Variants in BOLL observed in about 807,000 individuals in gnomAD.
BOLL encodes boule RNA binding protein.
In BOLL, 23 loss-of-function variants were observed where a neutral mutation model predicts 44.4. The ratio of observed to expected loss-of-function variants is 0.52; its 90% CI spans 0.37 to 0.73. The LOEUF is 0.73. BOLL is among the 30% of genes least tolerant of loss of function. The pLI is 0.00. For missense variants in BOLL, 287 were observed against 338.3 expected (o/e 0.85, Z 1.19); for synonymous variants, 97 against 110.8 (o/e 0.88, Z 0.78).
intron 2 of BOLL, 46 bp downstream of exon 2, chr2:197,781,676 G>T (rs1338175734): frequency 2.9e-6 from 4 of 1,399,216 alleles, no homozygotes; most frequent in South Asian, 1.9e-5. Context: ...GAGAAATAAA[G>T]ACTTCTAATG....
intron 10 of BOLL, among the ~76,000 whole-genome samples, chr2:197,733,542 C>T (rs1332282376): frequency 7.9e-5 from 12 of 151,880 alleles, no homozygotes; most frequent in South Asian, 4.2e-4. Flanking sequence ...GGAGGCATCA[C>T]GCTACCTGAC....
At chr2:197,756,853 G>A (rs1225112817) in intron 8 of BOLL, among the ~76,000 whole-genome samples, 2 of 152,090 alleles carry the variant, frequency 1.3e-5, no homozygotes, top group Non-Finnish European at 2.9e-5. Context: ...AGTAAAGGTT[G>A]TGATAATGTG....
intron 9 of BOLL, among the ~76,000 whole-genome samples, chr2:197,743,865 C>T (rs968293899): frequency 6.6e-6 from 1 of 151,474 alleles, no homozygotes; most frequent in Admixed American, 6.6e-5. Flanking sequence ...GGCTGGAGTG[C>T]AGTGGTGTGA....
chr2:197,751,067 A>T (rs1688221354), intron 9 of BOLL, among the ~76,000 whole-genome samples: 1 of 152,238 alleles, frequency 6.6e-6, no homozygotes. Flanking sequence ...TTATGAAATT[A>T]AGGCGGAAAT....
At chr2:197,773,774 A>C (rs2106380390) in intron 5 of BOLL, among the ~76,000 whole-genome samples, 1 of 151,972 alleles carries the variant, frequency 6.6e-6, no homozygotes, top group East Asian at 1.9e-4. Flanking sequence ...AGCATAAGAC[A>C]ATAAGAGGTG....
At chr2:197,778,326 G>T (rs1339629385) in intron 3 of BOLL, among the ~76,000 whole-genome samples, 1 of 151,756 alleles carries the variant, frequency 6.6e-6, no homozygotes, top group African/African-American at 2.4e-5. Flanking sequence ...ATACTTTACT[G>T]CCTTATCTAT....
chr2:197,742,060 A>G (rs957765657), intron 10 of BOLL, among the ~76,000 whole-genome samples: 4 of 152,262 alleles, frequency 2.6e-5, no homozygotes, highest in Admixed American at 2.6e-4. Context: ...AACACATGAA[A>G]AAATGCTCAT....
At chr2:197,786,186 G>A, upstream of BOLL, 2 of 854,690 alleles carry the variant, frequency 2.3e-6, no homozygotes, top group Non-Finnish European at 3.4e-6. The surrounding 1 kb of genome is among the most constrained non-coding windows in gnomAD (Gnocchi z 5.9). Context: ...GCCACCTGGC[G>A]GGTGGGGAGA....
chr2:197,761,279 C>T (rs1016626160), intron 7 of BOLL, among the ~76,000 whole-genome samples: 3 of 152,162 alleles, frequency 2.0e-5, no homozygotes, highest in Admixed American at 6.5e-5. Flanking sequence ...TCACTATACT[C>T]TGTCTCTAAA....
intron 10 of BOLL, among the ~76,000 whole-genome samples, chr2:197,739,681 C>A (rs2106322115): frequency 6.6e-6 from 1 of 152,206 alleles, no homozygotes; most frequent in Non-Finnish European, 1.5e-5. Flanking sequence ...TTTCTCTGTA[C>A]AATTTCTGAT....
At chr2:197,744,233 G>A (rs753075298) in intron 9 of BOLL, among the ~76,000 whole-genome samples, 3 of 152,176 alleles carry the variant, frequency 2.0e-5, no homozygotes, top group Non-Finnish European at 4.4e-5. Context: ...CTATTGTAGT[G>A]GATAGTGCAG....
At chr2:197,744,240 G>A (rs1207299186) in intron 9 of BOLL, among the ~76,000 whole-genome samples, 1 of 152,186 alleles carries the variant, frequency 6.6e-6, no homozygotes, top group African/African-American at 2.4e-5. Flanking sequence ...AGTGGATAGT[G>A]CAGTCTAAAA....
chr2:197,765,757 G>A (rs950587499), intron 7 of BOLL, among the ~76,000 whole-genome samples: 3 of 151,638 alleles, frequency 2.0e-5, no homozygotes, highest in African/African-American at 4.8e-5. Flanking sequence ...TTGTTACATA[G>A]GTAAACTCGT....
chr2:197,784,908 CTCCG>C, intron 1 of BOLL, 144 bp downstream of exon 1: 4 of 987,004 alleles, frequency 4.1e-6, no homozygotes, highest in Non-Finnish European at 4.8e-6. Context: ...TTGAAGGCTC[CTCCG>C]TTTGCTAAAA....
intron 9 of BOLL, among the ~76,000 whole-genome samples, chr2:197,750,967 C>A (rs1253746685): frequency 1.3e-5 from 2 of 152,180 alleles, no homozygotes; most frequent in African/African-American, 4.8e-5. Context: ...ACAGTGCAAT[C>A]AAATTAGAAT....
In BOLL at chr2:197,772,093, G is replaced by C. The variant is rs1475902253; in HGVS notation, c.353-111C>G. ...ATCTTAATATACCTATGTAGCTATG[G>C]TAAAAATTGAATGTCACAGATATTT... On this transcript the variant is annotated intron_variant, in intron 5 of 10. Transcript: ENST00000392296. The C allele has an allele frequency of 1.2e-5, 10 of 866,824 alleles. No individual in the cohort carries two copies. The Admixed American group carries it at 3.2e-4, about 28-fold the overall frequency. The allele number at this position is 866,824 out of a possible 1,614,324, so 53.7% of individuals were successfully genotyped here. A position where few individuals can be genotyped will look rare whatever the true frequency, so the allele number is the denominator to read the frequency against.
chr2:197,729,304 G>A lies in BOLL; in HGVS notation c.829-726C>T, dbSNP rs62139248. Among the ~76,000 whole-genome samples the A allele has an allele frequency of 1.4e-4, 22 of 152,316 alleles. No homozygotes were observed. In the East Asian group the frequency reaches 2.1e-3, roughly 15 times the overall value. ...CGAGATTATATCTCGCACCTGGCTCGGAGGGTCCTACGCCCACGGAGTCTC... is the reference window on the plus strand; with the variant it reads ...CGAGATTATATCTCGCACCTGGCTCAGAGGGTCCTACGCCCACGGAGTCTC... On this transcript the variant is annotated intron_variant, in intron 10 of 10. Coordinates refer to ENST00000392296, the MANE Select transcript of BOLL (RefSeq NM_033030.6).
intron 3 of BOLL, among the ~76,000 whole-genome samples, chr2:197,778,697 G>A (rs700654): frequency 0.5 from 74,987 of 151,362 alleles, 19,221 homozygotes; most frequent in African/African-American, 0.61. Context: ...ATGTACATCT[G>A]CTACTTACAT....
At chr2:197,771,456 C>T (rs1029852228) in intron 6 of BOLL, among the ~76,000 whole-genome samples, 33 of 151,792 alleles carry the variant, frequency 2.2e-4, no homozygotes, top group Admixed American at 2.2e-3. Flanking sequence ...TGTAACAAAC[C>T]TGCACGTTGT....
Sources: allele counts gnomAD v4.1 joint callset (sites outside exome capture counted in the v4.1 genomes callset), GRCh38; gene constraint gnomAD v4.1.1; non-coding constraint Gnocchi (gnomAD v3.1); transcripts MANE v1.5; gene names NCBI Gene and HGNC (gene_info 2026-07-23, HGNC 2026-07-21).